ATP2B4: variants seen among roughly 807,000 people sequenced by gnomAD.
ATP2B4 encodes plasma membrane calcium-transporting ATPase 4.
ATP2B4 carries 39 observed loss-of-function variants against 110.3 expected under a neutral mutation model. The observed-to-expected ratio is 0.35, with a 90% CI of 0.27 to 0.46. The LOEUF (loss-of-function observed/expected upper bound fraction) is 0.46. Ranked by LOEUF, ATP2B4 falls within the 20% of genes least tolerant of loss-of-function variation. The probability of loss-of-function intolerance (pLI) is 1.00; values close to 1 mark genes in which losing one functional copy is unlikely to be tolerated. For synonymous variants in ATP2B4, 538 were observed against 571.7 expected, an observed-to-expected ratio of 0.94 and a Z score of 0.84; for missense variants, 1,135 against 1,530.9, an observed-to-expected ratio of 0.74 and a Z score of 4.32.
chr1:203,704,460 G>A (rs1157041637), intron 8 of ATP2B4, among the ~76,000 whole-genome samples: 2 of 138,678 alleles, frequency 1.4e-5, no homozygotes, highest in Non-Finnish European at 3.1e-5. Flanking sequence ...ATCTCTCAAG[G>A]AACAGTCTTT....
intron 20 of ATP2B4, chr1:203,729,544 CAAAAAAAA>C: frequency 2.9e-6 from 1 of 350,600 alleles, no homozygotes; most frequent in Non-Finnish European, 5.4e-6. Context: ...GACTCTGTCT[CAAAAAAAA>C]AAAAAAAAAA....
chr1:203,716,687 T>G (rs1200414734), intron 15 of ATP2B4, among the ~76,000 whole-genome samples: 1 of 144,956 alleles, frequency 6.9e-6, no homozygotes, highest in Non-Finnish European at 1.5e-5. Flanking sequence ...AACTTAGTTT[T>G]GAAGGAAGTG....
chr1:203,722,755 G>A (rs1666376374), intron 18 of ATP2B4, 66 bp downstream of exon 18: 2 of 1,510,644 alleles, frequency 1.3e-6, no homozygotes, highest in Admixed American at 1.8e-5. Context: ...TGGGAGCCAG[G>A]GTTCCCTACA....
chr1:203,676,213 G>T lies in ATP2B4; in HGVS notation c.-464-6529G>T, dbSNP rs75996178. On this transcript the variant is annotated intron_variant, in intron 1 of 20. Transcript: ENST00000357681. Reference sequence around the variant, plus strand: ...GACCTTGTTCCCATGCCTCCAAAGGGCCTCAGTAGGCTGAAGGAGGGCATG... The same window carrying T: ...GACCTTGTTCCCATGCCTCCAAAGGTCCTCAGTAGGCTGAAGGAGGGCATG... Among the ~76,000 whole-genome samples, 1,171 of 152,272 alleles carry T rather than the reference G, an allele frequency of 7.7e-3. 12 individuals carry two copies. Among genetic ancestry groups the T allele is most frequent in the African/African-American group, 0.023 (975 of 41,544 alleles).
At chr1:203,686,711 T>TTTTTTTTTTTTTTTTTTTTTTTTTG (rs1337372344) in intron 2 of ATP2B4, among the ~76,000 whole-genome samples, 1 of 136,682 alleles carries the variant, frequency 7.3e-6, no homozygotes, top group Admixed American at 7.5e-5. Flanking sequence ...TTTTTTTTTT[T>TTTTTTTTTTTTTTTTTTTTTTTTTG]AGAAGGAGTT....
At chr1:203,657,397 G>A (rs1664194347) in intron 1 of ATP2B4, 2 of 751,684 alleles carry the variant, frequency 2.7e-6, no homozygotes, top group South Asian at 1.4e-5. Context: ...GGGACTTCCC[G>A]TTTTCCCACC....
intron 1 of ATP2B4, among the ~76,000 whole-genome samples, chr1:203,670,185 C>CT (rs5780190): frequency 6.7e-5 from 10 of 148,498 alleles, no homozygotes; most frequent in South Asian, 2.1e-4. Flanking sequence ...TTTATTTTAT[C>CT]TTTTTTTTTT....
At chr1:203,695,851 C>T (rs998923882) in intron 2 of ATP2B4, among the ~76,000 whole-genome samples, 1 of 152,060 alleles carries the variant, frequency 6.6e-6, no homozygotes, top group African/African-American at 2.4e-5. Context: ...ACCTATTTTC[C>T]CATTTTCAAA....
At chr1:203,718,993 G>A (rs2102210602) in intron 15 of ATP2B4, among the ~76,000 whole-genome samples, 1 of 152,166 alleles carries the variant, frequency 6.6e-6, no homozygotes, top group South Asian at 2.1e-4. Flanking sequence ...GGGAGGCCAA[G>A]GGAGAAGGAG....
At chr1:203,643,806 A>G (rs138501039) in intron 1 of ATP2B4, among the ~76,000 whole-genome samples, 66 of 152,316 alleles carry the variant, frequency 4.3e-4, no homozygotes, top group Admixed American at 7.2e-4. Flanking sequence ...GGTTTCTGAG[A>G]TGCAGCGACT....
At chr1:203,668,774 G>C (rs1558024633) in intron 1 of ATP2B4, among the ~76,000 whole-genome samples, 1 of 152,218 alleles carries the variant, frequency 6.6e-6, no homozygotes, top group Non-Finnish European at 1.5e-5. Context: ...ACTAGGACAG[G>C]ACTGATTGGT....
At chr1:203,661,784 C>T (rs1664345329) in intron 1 of ATP2B4, among the ~76,000 whole-genome samples, 1 of 151,998 alleles carries the variant, frequency 6.6e-6, no homozygotes, top group Non-Finnish European at 1.5e-5. Context: ...GGCTCCCAGC[C>T]CTGGGCGTGT....
At chr1:203,670,417 G>A (rs1490372661) in intron 1 of ATP2B4, among the ~76,000 whole-genome samples, 1 of 152,224 alleles carries the variant, frequency 6.6e-6, no homozygotes, top group Non-Finnish European at 1.5e-5. Flanking sequence ...GACCTCAGGT[G>A]ACCCACCTGC....
chr1:203,630,361 CTCTCTCTCT>C (rs1157670642), intron 1 of ATP2B4, among the ~76,000 whole-genome samples: 4,229 of 28,148 alleles, frequency 0.15, 54 homozygotes, highest in Non-Finnish European at 0.26. Context: ...CTCTCTCTCT[CTCTCTCTCT>C]TTTTTTTTTT....
chr1:203,680,005 G>A (rs1303170249), intron 1 of ATP2B4, among the ~76,000 whole-genome samples: 1 of 150,432 alleles, frequency 6.6e-6, no homozygotes, highest in African/African-American at 2.5e-5. Context: ...AGGTTGCAGT[G>A]AGCCAAGATC....
chr1:203,663,357 C>G (rs1664406261), intron 1 of ATP2B4, among the ~76,000 whole-genome samples: 1 of 152,008 alleles, frequency 6.6e-6, no homozygotes, highest in Non-Finnish European at 1.5e-5. Flanking sequence ...CCCTTTTGTA[C>G]CTCCACAACA....
intron 20 of ATP2B4, among the ~76,000 whole-genome samples, chr1:203,736,705 T>C (rs1571783776): frequency 6.6e-6 from 1 of 151,936 alleles, no homozygotes; most frequent in South Asian, 2.1e-4. Context: ...GTGTGGAGAG[T>C]GCTCAAAGCT....
At chr1:203,653,989 T>A (rs1334996729) in intron 1 of ATP2B4, among the ~76,000 whole-genome samples, 46 of 144,538 alleles carry the variant, frequency 3.2e-4, no homozygotes, top group African/African-American at 1.1e-3. Flanking sequence ...ATATATATTT[T>A]TTTTTTTTTT....
chr1:203,631,055 C>T (rs1663252788), intron 1 of ATP2B4, among the ~76,000 whole-genome samples: 1 of 152,248 alleles, frequency 6.6e-6, no homozygotes, highest in Non-Finnish European at 1.5e-5. Flanking sequence ...ATTTCTGCCT[C>T]TACCTTAAGC....
Sources: allele counts gnomAD v4.1 joint callset (sites outside exome capture counted in the v4.1 genomes callset), GRCh38; gene constraint gnomAD v4.1.1; transcripts MANE v1.5; gene names NCBI Gene and HGNC (gene_info 2026-07-23, HGNC 2026-07-21).